The following GPR158 variants were observed in gnomAD, a reference collection of about 807,000 sequenced individuals.
GPR158 encodes the protein metabotropic glycine receptor.
In GPR158, 30 loss-of-function variants were observed where a neutral mutation model predicts 78.2. That is an observed-to-expected ratio of 0.38 (90% CI 0.29 to 0.52). The LOEUF (loss-of-function observed/expected upper bound fraction) is 0.52, where lower values mean the gene tolerates loss of function less well. GPR158 is among the 20% of genes least tolerant of loss of function. The probability of loss-of-function intolerance (pLI) is 0.83; values close to 1 mark genes in which losing one functional copy is unlikely to be tolerated. For synonymous variants in GPR158, 581 were observed against 591.1 expected, an observed-to-expected ratio of 0.98 and a Z score of 0.25; for missense variants, 1,463 against 1,523.5, an observed-to-expected ratio of 0.96 and a Z score of 0.66.
At chr10:25,556,747 C>T (rs1265504630) in intron 6 of GPR158, among the ~76,000 whole-genome samples, 3 of 152,170 alleles carry the variant, frequency 2.0e-5, no homozygotes, top group African/African-American at 2.4e-5. Context: ...TGGAAAATAT[C>T]CAAGCCTTAC....
At chr10:25,420,862 C>T (rs1464099907) in intron 4 of GPR158, among the ~76,000 whole-genome samples, 1 of 152,114 alleles carries the variant, frequency 6.6e-6, no homozygotes, top group Non-Finnish European at 1.5e-5. Flanking sequence ...GTTTTGATTA[C>T]TATATCTTTG....
At chr10:25,405,810 T>C (rs1280286003) in intron 3 of GPR158, among the ~76,000 whole-genome samples, 1 of 152,240 alleles carries the variant, frequency 6.6e-6, no homozygotes, top group Middle Eastern at 3.4e-3. Context: ...CAGGCAAGAA[T>C]AAACTACTTC....
At chr10:25,458,582 T>G (rs12415532) in intron 4 of GPR158, among the ~76,000 whole-genome samples, 1 of 152,088 alleles carries the variant, frequency 6.6e-6, no homozygotes, top group Non-Finnish European at 1.5e-5. Context: ...GAAGAACTAC[T>G]GTTGACTGAG....
At chr10:25,190,037 A>G (rs947213996) in intron 1 of GPR158, among the ~76,000 whole-genome samples, 1 of 152,084 alleles carries the variant, frequency 6.6e-6, no homozygotes, top group Non-Finnish European at 1.5e-5. Context: ...TCCATTTACC[A>G]TTGAGCAGTT....
chr10:25,367,212 G>A (rs181670096), intron 2 of GPR158, among the ~76,000 whole-genome samples: 211 of 151,460 alleles, frequency 1.4e-3, no homozygotes, highest in Middle Eastern at 0.01. Flanking sequence ...TTTCTACATA[G>A]GGCTACCCAA....
At chr10:25,285,251 TTCTCCTTCTC>T (rs1854334052) in intron 2 of GPR158, among the ~76,000 whole-genome samples, 1 of 151,198 alleles carries the variant, frequency 6.6e-6, no homozygotes, top group South Asian at 2.1e-4. Flanking sequence ...CCCTCTTTCT[TTCTCCTTCTC>T]TCTCTCTACA....
At chr10:25,355,715 G>T (rs1468294158) in intron 2 of GPR158, among the ~76,000 whole-genome samples, 1 of 151,954 alleles carries the variant, frequency 6.6e-6, no homozygotes, top group Non-Finnish European at 1.5e-5. Flanking sequence ...TTCATTTTCT[G>T]CCAGGTTACT....
chr10:25,271,094 C>T (rs985471225), intron 2 of GPR158, among the ~76,000 whole-genome samples: 5 of 152,160 alleles, frequency 3.3e-5, no homozygotes, highest in Non-Finnish European at 5.9e-5. Flanking sequence ...CTCAGGACAC[C>T]TATGTGCCCA....
At chr10:25,250,807 G>C (rs1853784865) in intron 2 of GPR158, among the ~76,000 whole-genome samples, 1 of 149,698 alleles carries the variant, frequency 6.7e-6, no homozygotes, top group Non-Finnish European at 1.5e-5. Context: ...GGGGTGGAGA[G>C]TTCTGTAGAT....
intron 4 of GPR158, among the ~76,000 whole-genome samples, chr10:25,420,082 C>A (rs900608796): frequency 2.0e-5 from 3 of 152,162 alleles, no homozygotes; most frequent in Non-Finnish European, 4.4e-5. Flanking sequence ...ATATGGTTTG[C>A]AAATATTTTC....
intron 7 of GPR158, among the ~76,000 whole-genome samples, chr10:25,576,659 T>C (rs1837100991): frequency 6.6e-6 from 1 of 152,062 alleles, no homozygotes; most frequent in Admixed American, 6.6e-5. Flanking sequence ...AATAACCAGG[T>C]CTCAGTTAAA....
At chr10:25,570,666 G>A (rs1020788833) in intron 6 of GPR158, among the ~76,000 whole-genome samples, 2 of 152,148 alleles carry the variant, frequency 1.3e-5, no homozygotes, top group East Asian at 3.9e-4. Context: ...AATAATCCCA[G>A]CACTTTGGGA....
At position 25,480,952 on chromosome 10, in the gene GPR158, T is replaced by G. The variant is rs532919038; in HGVS notation, c.1404+14233T>G. Among the ~76,000 whole-genome samples the G allele has an allele frequency of 6.6e-5, 10 of 152,270 alleles. No individual in the cohort carries two copies. In the South Asian group the frequency reaches 1.9e-3, roughly 28 times the overall value. ...ACACCTTCGTGGCTCTTGTCTGAGTTTATTTCTGCCAAGATAGCCACTCTC... is the reference window on the plus strand; with the variant it reads ...ACACCTTCGTGGCTCTTGTCTGAGTGTATTTCTGCCAAGATAGCCACTCTC... On this transcript the variant is annotated intron_variant, in intron 5 of 10. Transcript: ENST00000376351.
intron 2 of GPR158, among the ~76,000 whole-genome samples, chr10:25,225,055 G>A (rs192950568): frequency 3.0e-4 from 45 of 152,140 alleles, no homozygotes; most frequent in African/African-American, 9.2e-4. Flanking sequence ...ACTTTCTCAT[G>A]GATTGTTAAA....
At chr10:25,496,735 A>G (rs79707208) in intron 5 of GPR158, among the ~76,000 whole-genome samples, 4,570 of 152,312 alleles carry the variant, frequency 0.03, 219 homozygotes, top group African/African-American at 0.1. Flanking sequence ...TCACTGTGCC[A>G]AAAACACCGA....
intron 2 of GPR158, among the ~76,000 whole-genome samples, chr10:25,262,844 T>G (rs1853987065): frequency 6.6e-6 from 1 of 152,212 alleles, no homozygotes; most frequent in South Asian, 2.1e-4. Context: ...CAGAAAAGTT[T>G]CAATGTCCTT....
chr10:25,427,614 G>A (rs922735681), intron 4 of GPR158, among the ~76,000 whole-genome samples: 5 of 151,956 alleles, frequency 3.3e-5, no homozygotes, highest in Non-Finnish European at 7.4e-5. Flanking sequence ...ATTTTGGAAT[G>A]AGAGTGGACT....
At chr10:25,520,749 G>T (rs528649605) in intron 5 of GPR158, among the ~76,000 whole-genome samples, 3 of 152,286 alleles carry the variant, frequency 2.0e-5, no homozygotes, top group African/African-American at 7.2e-5. Context: ...CTGCAGCTGC[G>T]TGCTGGGAGA....
chr10:25,227,863 A>C (rs190100450), intron 2 of GPR158, among the ~76,000 whole-genome samples: 1 of 152,326 alleles, frequency 6.6e-6, no homozygotes, highest in African/African-American at 2.4e-5. Flanking sequence ...AGAAGTCTTC[A>C]CACATATTTA....
Sources: allele counts gnomAD v4.1 joint callset (sites outside exome capture counted in the v4.1 genomes callset), GRCh38; gene constraint gnomAD v4.1.1; transcripts MANE v1.5; gene names NCBI Gene and HGNC (gene_info 2026-07-23, HGNC 2026-07-21).